RANBP17: variants seen among roughly 807,000 people sequenced by gnomAD.
RANBP17 encodes RAN binding protein 17.
Under a neutral mutation model 141.2 loss-of-function variants are expected in RANBP17, and 158 were observed. That is an observed-to-expected ratio of 1.12 (90% CI 0.98 to 1.28). RANBP17 has a LOEUF of 1.28. Ranked by LOEUF, RANBP17 falls within the 50% of genes most tolerant of loss-of-function variation. RANBP17 has a pLI of 0.00. For missense variants in RANBP17, 1,438 were observed against 1,290.7 expected, an observed-to-expected ratio of 1.11 and a Z score of -1.75; for synonymous variants, 430 against 450.0, an observed-to-expected ratio of 0.96 and a Z score of 0.56.
At chr5:171,029,980 C>A (rs778179850) in intron 14 of RANBP17, among the ~76,000 whole-genome samples, 2 of 152,026 alleles carry the variant, frequency 1.3e-5, no homozygotes, top group Non-Finnish European at 2.9e-5. Context: ...TTGTCTCTGA[C>A]TTTCACCCAC....
intron 1 of RANBP17, among the ~76,000 whole-genome samples, chr5:170,877,406 A>G (rs1375079069): frequency 6.6e-6 from 1 of 152,014 alleles, no homozygotes; most frequent in Non-Finnish European, 1.5e-5. Context: ...CTGGGACTAC[A>G]GGTGTACCCT....
intron 11 of RANBP17, among the ~76,000 whole-genome samples, chr5:170,923,467 A>G (rs1376247757): frequency 2.0e-5 from 3 of 152,168 alleles, no homozygotes; most frequent in Non-Finnish European, 4.4e-5. Flanking sequence ...TGTTTTGGCA[A>G]TTCTACTTTC....
intron 12 of RANBP17, among the ~76,000 whole-genome samples, chr5:170,935,495 G>A (rs1419833128): frequency 1.3e-5 from 2 of 152,084 alleles, no homozygotes; most frequent in Non-Finnish European, 2.9e-5. Flanking sequence ...TTTTGGTGTG[G>A]ATGTCCTTTC....
rs12657567 is a variant in RANBP17 at position 171,213,080 on chromosome 5, G to C, written c.2232-551G>C. Among the ~76,000 whole-genome samples, 5 of 152,178 alleles carry C rather than the reference G, an allele frequency of 3.3e-5. No homozygotes were observed. The East Asian group carries it at 9.6e-4, about 29-fold the overall frequency. On this transcript the variant is annotated intron_variant, in intron 20 of 27. Transcript: ENST00000523189. Reference sequence around the variant, plus strand: ...CAGATATTCCTTGGAGCTACAGTGAGACCAAAAAGAGCAATTCAACAATAT... The same window carrying C: ...CAGATATTCCTTGGAGCTACAGTGACACCAAAAAGAGCAATTCAACAATAT...
rs186200431 is a variant in RANBP17, at chr5:171,018,780, C to T, written c.1710+50403C>T. Among the ~76,000 whole-genome samples the T allele has an allele frequency of 3.4e-4, 52 of 152,330 alleles. 3 individuals carry two copies. In the East Asian group the frequency reaches 0.01, roughly 29 times the overall value. ...CCTTGCCTGGTTGCCCTGGCCAGAACTTCCAATACTACATTGAATAGGAGT... is the reference window on the plus strand; with the variant it reads ...CCTTGCCTGGTTGCCCTGGCCAGAATTTCCAATACTACATTGAATAGGAGT... On this transcript the variant is annotated intron_variant, in intron 14 of 27. Coordinates refer to ENST00000523189, the MANE Select transcript of RANBP17 (RefSeq NM_022897.5).
intron 14 of RANBP17, among the ~76,000 whole-genome samples, chr5:171,014,096 T>C (rs1780266297): frequency 6.6e-6 from 1 of 152,116 alleles, no homozygotes; most frequent in African/African-American, 2.4e-5. Context: ...TTCATGCTAA[T>C]ATTCTTTGCT....
At chr5:170,955,422 G>T (rs1775537830) in intron 13 of RANBP17, among the ~76,000 whole-genome samples, 1 of 142,886 alleles carries the variant, frequency 7.0e-6, no homozygotes, top group Non-Finnish European at 1.5e-5. Flanking sequence ...CTTTTGTGAT[G>T]ATCTCTTCTA....
chr5:171,282,454 ATGTTGTTGTTGTTGTTGTTGTTGTTGT>A (rs11269694), intron 25 of RANBP17, among the ~76,000 whole-genome samples: 1 of 149,450 alleles, frequency 6.7e-6, no homozygotes, highest in Non-Finnish European at 1.5e-5. Flanking sequence ...AGAAAGCTGC[ATGTTGTTGTTGTTGTTGTTGTTGTTGT>A]TGTTGTTGTT....
At chr5:170,941,760 C>A (rs955672306) in intron 12 of RANBP17, among the ~76,000 whole-genome samples, 1 of 152,096 alleles carries the variant, frequency 6.6e-6, no homozygotes, top group Non-Finnish European at 1.5e-5. Flanking sequence ...CATAAGAAAT[C>A]TTACAGAAAA....
chr5:171,016,861 T>A (rs539000805), intron 14 of RANBP17, among the ~76,000 whole-genome samples: 54 of 152,040 alleles, frequency 3.6e-4, no homozygotes, highest in Non-Finnish European at 2.8e-4. Context: ...CCATGGTGGT[T>A]TGCTGCACCT....
intron 19 of RANBP17, among the ~76,000 whole-genome samples, chr5:171,204,475 A>G (rs1032434326): frequency 6.6e-6 from 1 of 152,198 alleles, no homozygotes; most frequent in Non-Finnish European, 1.5e-5. Flanking sequence ...AAAGTGTGAG[A>G]AAGGAGAAAA....
In RANBP17 at chr5:170,955,677, T is replaced by TAC. The variant is rs1264907160; in HGVS notation, c.1574+1976_1574+1977insCA. On this transcript the variant is annotated intron_variant, in intron 13 of 27. Coordinates refer to ENST00000523189, the MANE Select transcript of RANBP17 (RefSeq NM_022897.5). ...ATATATATATATATATATATATATATATATACACTGAATGAACTCTGTAGA... is the reference window on the plus strand; with the variant it reads ...ATATATATATATATATATATATATATACATATACACTGAATGAACTCTGTAGA... Among the ~76,000 whole-genome samples, 35 of 73,086 alleles carry TAC rather than the reference T, an allele frequency of 4.8e-4. 5 individuals are homozygous for TAC. The highest frequency in any genetic ancestry group is 1.7e-3 in the African/African-American group (34 of 19,440). The allele number at this position is 73,086 out of a possible 152,430, so 47.9% of individuals were successfully genotyped here.
chr5:171,011,833 A>T (rs1227401730), intron 14 of RANBP17, among the ~76,000 whole-genome samples: 1 of 151,924 alleles, frequency 6.6e-6, no homozygotes, highest in Admixed American at 6.6e-5. Flanking sequence ...GTAATGTCCT[A>T]TATAACTTTA....
chr5:171,262,500 A>G (rs1219000803), intron 24 of RANBP17, among the ~76,000 whole-genome samples: 1 of 152,062 alleles, frequency 6.6e-6, no homozygotes, highest in Non-Finnish European at 1.5e-5. Context: ...GGAAAGCTCT[A>G]TTTTTGGCTT....
chr5:170,897,332 C>A, intron 5 of RANBP17: 1 of 565,740 alleles, frequency 1.8e-6, no homozygotes, highest in Non-Finnish European at 3.4e-6. Context: ...AGGATCTGGG[C>A]TTGGCACATT....
intron 25 of RANBP17, 53 bp from the exon 26 acceptor site, chr5:171,293,830 A>T: frequency 1.5e-6 from 2 of 1,321,040 alleles, no homozygotes; most frequent in Non-Finnish European, 2.2e-6. Flanking sequence ...GCCTGGGATT[A>T]GGGGGAACTC....
intron 25 of RANBP17, among the ~76,000 whole-genome samples, chr5:171,286,605 A>G (rs1286639480): frequency 6.6e-6 from 1 of 152,254 alleles, no homozygotes; most frequent in African/African-American, 2.4e-5. Context: ...TTCATTTTTC[A>G]TAGCATTCCA....
chr5:170,938,642 A>G (rs1004185990), intron 12 of RANBP17, among the ~76,000 whole-genome samples: 8 of 152,210 alleles, frequency 5.3e-5, no homozygotes, highest in Non-Finnish European at 8.8e-5. Context: ...AAGGACCTGA[A>G]AAAACTTTTT....
intron 14 of RANBP17, among the ~76,000 whole-genome samples, chr5:171,091,231 C>T (rs530460337): frequency 1.4e-4 from 22 of 152,260 alleles, no homozygotes; most frequent in African/African-American, 5.3e-4. Context: ...ATCATCATGG[C>T]CTGGATGTGA....
Sources: allele counts gnomAD v4.1 joint callset (sites outside exome capture counted in the v4.1 genomes callset), GRCh38; gene constraint gnomAD v4.1.1; transcripts MANE v1.5; gene names NCBI Gene and HGNC (gene_info 2026-07-23, HGNC 2026-07-21).